Variants in PSTPIP1 observed in about 807,000 individuals in gnomAD.
PSTPIP1 encodes the protein proline-serine-threonine phosphatase interacting protein 1.
PSTPIP1 carries 66 observed loss-of-function variants against 69.6 expected under a neutral mutation model. The ratio of observed to expected loss-of-function variants is 0.95; its 90% confidence interval spans 0.78 to 1.16. The LOEUF is 1.16. Among genes scored for constraint, PSTPIP1 ranks in the 50% most tolerant of loss-of-function variants. The pLI is 0.00. For missense variants in PSTPIP1, 603 were observed against 557.4 expected (o/e 1.08, Z -0.82); for synonymous variants, 266 against 222.7 (o/e 1.19, Z -1.73).
intron 1 of PSTPIP1, among the ~76,000 whole-genome samples, chr15:77,000,602 T>C (rs2075687488): frequency 6.6e-6 from 1 of 152,142 alleles, no homozygotes; most frequent in African/African-American, 2.4e-5. Context: ...GAAGCACCTT[T>C]AGTCTCATCA....
At chr15:77,013,179 C>G (rs536942315) in intron 1 of PSTPIP1, among the ~76,000 whole-genome samples, 11 of 152,220 alleles carry the variant, frequency 7.2e-5, no homozygotes, top group Non-Finnish European at 1.6e-4. Context: ...GCTGCTGCTA[C>G]GTCTTGCTTC....
intron 13 of PSTPIP1, 103 bp downstream of exon 13, chr15:77,035,666 T>C (rs2076544951): frequency 1.4e-6 from 2 of 1,476,634 alleles, no homozygotes; most frequent in Admixed American, 4.0e-5. Flanking sequence ...CAAGAGGAAG[T>C]GTGTGTCCCC....
At position 77,035,526 on chromosome 15, in the gene PSTPIP1, C is replaced by G; in HGVS notation, c.948C>G (p.His316Gln). 6 of 1,592,670 alleles carry G rather than the reference C, an allele frequency of 3.8e-6. No homozygotes were observed. The highest frequency in any genetic ancestry group is 3.4e-6 in the Non-Finnish European group (4 of 1,170,058). ...TTCCCAGGTTCTCTGGACTGCTGCA[C>G]GGAAGTCCCAAGACCACTTCGTTGG... ...GMIKRFSGLL[H>Q]GSPKTTSLAA... Residue 316 changes from histidine to glutamine, a missense_variant, in exon 13 of 15, where the codon CAC (histidine) becomes CAG (glutamine). His to Gln is a conservative substitution (Grantham distance 24, BLOSUM62 0). Coordinates refer to ENST00000558012, the MANE Select transcript of PSTPIP1 (RefSeq NM_003978.5).
intron 3 of PSTPIP1, chr15:77,023,915 G>A (rs2076216598): frequency 6.6e-6 from 1 of 152,482 alleles, no homozygotes; most frequent in African/African-American, 2.4e-5. Flanking sequence ...TGCTGGTGAG[G>A]AGTCAGAGAA....
chr15:77,028,709 C>A, intron 7 of PSTPIP1, 57 bp downstream of exon 7: 2 of 1,395,524 alleles, frequency 1.4e-6, no homozygotes, highest in Non-Finnish European at 1.9e-6. Context: ...GTGGGGGAGG[C>A]AAGGAAGGGG....
intron 3 of PSTPIP1, among the ~76,000 whole-genome samples, chr15:77,020,871 G>GT (rs957175035): frequency 2.0e-5 from 1 of 49,100 alleles, no homozygotes; most frequent in African/African-American, 8.8e-5. Flanking sequence ...ACTCCTGTGG[G>GT]GGGGGGGGGT....
chr15:77,025,770 G>A (rs896204364), intron 5 of PSTPIP1, among the ~76,000 whole-genome samples, 166 bp downstream of exon 5: 6 of 152,320 alleles, frequency 3.9e-5, no homozygotes, highest in Non-Finnish European at 8.8e-5. Flanking sequence ...GAAGTGGGTA[G>A]GGAGGGCAGA....
chr15:77,000,989 T>C (rs1039703164), intron 1 of PSTPIP1, among the ~76,000 whole-genome samples: 3 of 152,208 alleles, frequency 2.0e-5, no homozygotes, highest in African/African-American at 7.2e-5. Context: ...TTTTTTAGCG[T>C]AACTCACTCC....
intron 3 of PSTPIP1, among the ~76,000 whole-genome samples, chr15:77,022,066 G>A (rs144356705): frequency 1.6e-4 from 25 of 152,346 alleles, no homozygotes; most frequent in African/African-American, 4.8e-4. Context: ...GAATCCTCAC[G>A]TCCCTGCCTC....
intron 12 of PSTPIP1, 110 bp downstream of exon 12, chr15:77,033,062 G>GT (rs2152689763): frequency 9.0e-7 from 1 of 1,106,456 alleles, no homozygotes; most frequent in East Asian, 2.6e-5. Context: ...CTATGTGTCT[G>GT]TATCTGGTGC....
chr15:77,025,348 CT>C, intron 4 of PSTPIP1, 30 bp downstream of exon 4: 1 of 1,597,158 alleles, frequency 6.3e-7, no homozygotes, highest in Non-Finnish European at 8.6e-7. Flanking sequence ...GCAATGGGAT[CT>C]TTTGGGACTG....
chr15:77,025,361 G>A (rs777465250), intron 4 of PSTPIP1, 43 bp downstream of exon 4: 13 of 1,585,994 alleles, frequency 8.2e-6, no homozygotes, highest in East Asian at 2.2e-5. Context: ...TTGGGACTGC[G>A]AGGCTGGTGG....
chr15:77,028,526 C>T, intron 6 of PSTPIP1, 28 bp from the exon 7 acceptor site: 1 of 1,559,380 alleles, frequency 6.4e-7, no homozygotes. Flanking sequence ...CTGTGCAGCC[C>T]CCAAGTCACG....
chr15:77,025,408 GGGGCT>G (rs2076256867), intron 4 of PSTPIP1, 85 bp from the exon 5 acceptor site: 14 of 1,580,714 alleles, frequency 8.9e-6, no homozygotes, highest in South Asian at 1.1e-5. Context: ...TGTTGGGGCT[GGGGCT>G]GGGCTGGCCC....
intron 13 of PSTPIP1, 59 bp from the exon 14 acceptor site, chr15:77,035,743 G>A (rs1039994822): frequency 3.3e-6 from 5 of 1,515,356 alleles, no homozygotes; most frequent in African/African-American, 3.4e-5. Flanking sequence ...ATTCTAGTAG[G>A]ACTTCCAGGG....
At chr15:77,031,361 C>T (rs775764738) in intron 10 of PSTPIP1, 83 bp downstream of exon 10, 153 of 1,417,642 alleles carry the variant, frequency 1.1e-4, no homozygotes, top group Non-Finnish European at 1.5e-4. Flanking sequence ...AGCCGGTCAA[C>T]AAGCACCTGG....
chr15:77,028,217 G>T, intron 6 of PSTPIP1: 2 of 514,876 alleles, frequency 3.9e-6, no homozygotes, highest in Non-Finnish European at 7.0e-6. Flanking sequence ...CCTGCGAGAC[G>T]CTGGACAGGA....
intron 3 of PSTPIP1, among the ~76,000 whole-genome samples, chr15:77,020,942 CCT>C (rs2076148542): frequency 1.3e-5 from 2 of 152,128 alleles, no homozygotes; most frequent in Non-Finnish European, 2.9e-5. Context: ...GGTGGCCCAC[CCT>C]CCAGGGCCCA....
intron 1 of PSTPIP1, among the ~76,000 whole-genome samples, chr15:77,002,463 C>T (rs2075730233): frequency 6.6e-6 from 1 of 152,334 alleles, no homozygotes; most frequent in African/African-American, 2.4e-5. Flanking sequence ...AAAAAGAAAA[C>T]TAAGCAATTC....
Sources: gnomAD v4.1 joint callset for allele counts (sites outside exome capture counted in the v4.1 genomes callset) on GRCh38, gnomAD v4.1.1 for gene constraint, MANE v1.5 for transcripts, NCBI Gene and HGNC (gene_info 2026-07-23, HGNC 2026-07-21) for gene names.